Variants in IGF2BP2 observed in about 807,000 individuals in gnomAD.
IGF2BP2 encodes insulin-like growth factor 2 mRNA-binding protein 2.
In IGF2BP2, 17 loss-of-function variants were observed where a neutral mutation model predicts 75.8. That is an observed-to-expected ratio of 0.22 (90% CI 0.15 to 0.34). The LOEUF (loss-of-function observed/expected upper bound fraction) is 0.34, where lower values mean the gene tolerates loss of function less well. IGF2BP2 is among the 10% of genes least tolerant of loss of function. IGF2BP2 has a pLI of 1.00. For missense variants in IGF2BP2, 516 were observed against 772.4 expected (o/e 0.67, Z 3.93); for synonymous variants, 288 against 295.6 (o/e 0.97, Z 0.26).
intron 2 of IGF2BP2, chr3:185,716,746 A>G: frequency 1.9e-6 from 1 of 520,018 alleles, no homozygotes; most frequent in South Asian, 1.4e-5. Context: ...GCTGGTCATC[A>G]GAATGGAAGT....
At chr3:185,649,764 T>C (rs1448472725) in intron 13 of IGF2BP2, among the ~76,000 whole-genome samples, 1 of 152,230 alleles carries the variant, frequency 6.6e-6, no homozygotes, top group African/African-American at 2.4e-5. Context: ...ATTCATGTTT[T>C]GGTGGTTTGC....
intron 2 of IGF2BP2, among the ~76,000 whole-genome samples, chr3:185,786,127 CAAG>C (rs1735855692): frequency 6.6e-6 from 1 of 151,930 alleles, no homozygotes; most frequent in African/African-American, 2.4e-5. Context: ...CTACCCCCGC[CAAG>C]AAATTTTAAT....
At chr3:185,681,556 G>T (rs1251730562) in intron 7 of IGF2BP2, among the ~76,000 whole-genome samples, 4 of 152,132 alleles carry the variant, frequency 2.6e-5, no homozygotes, top group African/African-American at 7.2e-5. Context: ...AATCACAGTG[G>T]GCATTGTTTG....
intron 2 of IGF2BP2, among the ~76,000 whole-genome samples, chr3:185,793,593 A>G (rs1290068662): frequency 6.6e-6 from 1 of 152,150 alleles, no homozygotes; most frequent in Non-Finnish European, 1.5e-5. Flanking sequence ...CCAAACCAAA[A>G]AGAAACAACT....
Position 185,692,753 on chromosome 3 carries a change from T to C in IGF2BP2, c.350A>G (p.Asp117Gly), listed in dbSNP as rs774637166. ...GACGTTGACAACGGCGGTTTCTGTG[T>C]CTGTGTTGACTAGGGAAAAGGCAAA... is the stretch of plus-strand genomic sequence containing the variant. ...TVENVEQVNT[D>G]TETAVVNVTY... The change falls in exon 5 of 16, where the codon GAC becomes GGC. Residue 117 changes from aspartate (D) to glycine (G), a missense_variant. By Grantham distance (94) the Asp-to-Gly change is moderately conservative (BLOSUM62 -1). Coordinates refer to ENST00000382199, the MANE Select transcript of IGF2BP2 (RefSeq NM_006548.6). The C allele has an allele frequency of 6.2e-7, 1 of 1,614,064 alleles. No individual in the cohort carries two copies. The highest frequency in any genetic ancestry group is 1.7e-5 in the Admixed American group (1 of 60,018).
At chr3:185,702,052 C>T (rs1340349279) in intron 2 of IGF2BP2, among the ~76,000 whole-genome samples, 1 of 152,184 alleles carries the variant, frequency 6.6e-6, no homozygotes, top group African/African-American at 2.4e-5. Context: ...CCAGAAAGAA[C>T]TGTTTCCTCT....
rs576272055 is a variant in IGF2BP2, at chr3:185,766,510, A to C, written c.239+56643T>G. Among the ~76,000 whole-genome samples, 15 of 152,050 alleles carry C rather than the reference A, an allele frequency of 9.9e-5. No individual in the cohort carries two copies. In the South Asian group the frequency reaches 2.9e-3, roughly 29 times the overall value. On this transcript the variant is annotated intron_variant, in intron 2 of 15. Transcript: ENST00000382199. ...ATACAAAATTCAAATCTCAGTGTCC[A>C]TAAATAAAGTTTTATTGGAACACAG...
At chr3:185,688,927 C>T (rs1009311781) in intron 6 of IGF2BP2, among the ~76,000 whole-genome samples, 2 of 152,182 alleles carry the variant, frequency 1.3e-5, no homozygotes, top group African/African-American at 4.8e-5. Flanking sequence ...TCTTGCTTGA[C>T]GTGGCAGTGA....
chr3:185,712,086 C>T (rs1047400968), intron 2 of IGF2BP2, among the ~76,000 whole-genome samples: 12 of 152,132 alleles, frequency 7.9e-5, no homozygotes, highest in Non-Finnish European at 1.3e-4. Flanking sequence ...AGGAGAGAAA[C>T]TATTAAAGTT....
At chr3:185,668,508 G>GATATATATATATAT (rs755033940) in intron 10 of IGF2BP2, among the ~76,000 whole-genome samples, 3 of 125,784 alleles carry the variant, frequency 2.4e-5, no homozygotes, top group African/African-American at 9.3e-5. Flanking sequence ...GAGAGAGAGA[G>GATATATATATATAT]ATATATATAT....
At chr3:185,821,034 C>T (rs773573583) in intron 2 of IGF2BP2, 312 of 1,535,550 alleles carry the variant, frequency 2.0e-4, no homozygotes, top group Non-Finnish European at 2.6e-4. Flanking sequence ...AAGCCATCAA[C>T]GTGGTAGTGT....
At chr3:185,738,058 T>C (rs1353939669) in intron 2 of IGF2BP2, among the ~76,000 whole-genome samples, 2 of 152,232 alleles carry the variant, frequency 1.3e-5, no homozygotes, top group African/African-American at 2.4e-5. Context: ...TTGCCAACAC[T>C]GGATATTATC....
intron 2 of IGF2BP2, among the ~76,000 whole-genome samples, chr3:185,719,655 G>A (rs1393094424): frequency 2.6e-5 from 4 of 152,152 alleles, no homozygotes; most frequent in South Asian, 2.1e-4. Flanking sequence ...CCAACGTGGC[G>A]AAACCCTGTC....
chr3:185,706,819 C>T (rs1421305964), intron 2 of IGF2BP2, among the ~76,000 whole-genome samples: 1 of 151,274 alleles, frequency 6.6e-6, no homozygotes, highest in Non-Finnish European at 1.5e-5. Flanking sequence ...TGGCTTACTG[C>T]AGCCTTGGTG....
intron 2 of IGF2BP2, chr3:185,716,756 T>C (rs1725695002): frequency 3.8e-6 from 2 of 519,672 alleles, no homozygotes; most frequent in Non-Finnish European, 7.7e-6. Flanking sequence ...AGAATGGAAG[T>C]GGGAGGACAT....
chr3:185,759,786 G>A (rs1578213123), intron 2 of IGF2BP2, among the ~76,000 whole-genome samples: 1 of 152,214 alleles, frequency 6.6e-6, no homozygotes, highest in African/African-American at 2.4e-5. Flanking sequence ...TCATGAGCAA[G>A]GACTCTGGCT....
At chr3:185,781,064 G>A (rs112777298) in intron 2 of IGF2BP2, among the ~76,000 whole-genome samples, 24 of 152,062 alleles carry the variant, frequency 1.6e-4, no homozygotes, top group Non-Finnish European at 3.5e-4. Context: ...ACACTTTGGG[G>A]CTCTCAAATC....
rs140196958 is a variant in IGF2BP2, at chr3:185,736,052, G to GT, written c.240-37706dup. On this transcript the variant is annotated intron_variant, in intron 2 of 15. Coordinates refer to ENST00000382199, the MANE Select transcript of IGF2BP2 (RefSeq NM_006548.6). The stretch of plus-strand genomic sequence containing the variant: ...GAAGGAATCCACCCTCCCTCTCAGA[G>GT]TTTTTTCTTAGTGGTAGTGTCACAG... Among the ~76,000 whole-genome samples, 583 of 152,308 alleles carry GT rather than the reference G, an allele frequency of 3.8e-3. 14 individuals are homozygous for GT. Among genetic ancestry groups the GT allele is most frequent in the Non-Finnish European group, 9.1e-4 (62 of 68,026 alleles).
At chr3:185,688,071 C>G (rs1490654160) in intron 6 of IGF2BP2, among the ~76,000 whole-genome samples, 2 of 152,142 alleles carry the variant, frequency 1.3e-5, no homozygotes, top group African/African-American at 4.8e-5. Flanking sequence ...TCTATTTCCT[C>G]ACTTCTAAGA....
Sources: allele counts gnomAD v4.1 joint callset (sites outside exome capture counted in the v4.1 genomes callset), GRCh38; gene constraint gnomAD v4.1.1; transcripts MANE v1.5; gene names NCBI Gene and HGNC (gene_info 2026-07-23, HGNC 2026-07-21).